KIAA2012: variants seen among roughly 807,000 people sequenced by gnomAD.
KIAA2012 encodes uncharacterized protein KIAA2012.
A neutral mutation model predicts 150.6 loss-of-function variants in KIAA2012; 125 were observed. The observed-to-expected ratio is 0.83, with a 90% CI of 0.72 to 0.96. The LOEUF (loss-of-function observed/expected upper bound fraction) is 0.96. Ranked by LOEUF, KIAA2012 falls within the 40% of genes least tolerant of loss-of-function variation. The pLI, the probability that KIAA2012 is intolerant of heterozygous loss-of-function variation, is 0.00. For synonymous variants in KIAA2012, 462 were observed against 504.7 expected (o/e 0.92, Z 1.13); for missense variants, 1,219 against 1,354.9 (o/e 0.90, Z 1.57).
intron 15 of KIAA2012, among the ~76,000 whole-genome samples, chr2:202,173,275 A>G (rs1434157951): frequency 6.6e-6 from 1 of 152,170 alleles, no homozygotes; most frequent in African/African-American, 2.4e-5. Flanking sequence ...CAACATAAGA[A>G]AGGAAAATTA....
chr2:202,109,921 G>C, intron 10 of KIAA2012, 132 bp downstream of exon 10: 7 of 771,638 alleles, frequency 9.1e-6, no homozygotes, highest in Non-Finnish European at 1.2e-5. Context: ...CACTGTTTCT[G>C]ATGATGTCAG....
intron 2 of KIAA2012, among the ~76,000 whole-genome samples, chr2:202,089,028 C>T (rs541974399): frequency 6.6e-6 from 1 of 152,318 alleles, no homozygotes; most frequent in South Asian, 2.1e-4. Context: ...TGTCTCCTTC[C>T]CACTCTTTGG....
chr2:202,080,421 C>T (rs1022912643), intron 2 of KIAA2012, among the ~76,000 whole-genome samples: 1 of 152,054 alleles, frequency 6.6e-6, no homozygotes, highest in Non-Finnish European at 1.5e-5. Flanking sequence ...GGGCCGGGCA[C>T]GATGGCACAC....
In KIAA2012 at chr2:202,147,416, C is replaced by T. The variant is rs541807140; in HGVS notation, c.1909-7257C>T. 6.6e-5 allele frequency among the ~76,000 whole-genome samples: 10 copies of T among 152,272 alleles called. 1 individual carries two copies. Among genetic ancestry groups the T allele is most frequent in the African/African-American group, 7.2e-5 (3 of 41,564 alleles). On this transcript the variant is annotated intron_variant, in intron 13 of 23. Transcript: ENST00000498697. ...GGAGCACTGTGTCAGCAGGGCACCA[C>T]GGCCCACAGCACAGGGCTGCAGAGG...
Position 202,109,758 on chromosome 2 carries a change from A to C in KIAA2012, c.1620A>C (p.Arg540Ser). 1 of 1,549,794 alleles carries C rather than the reference A, an allele frequency of 6.5e-7. No homozygotes were observed. Among genetic ancestry groups the C allele is most frequent in the African/African-American group, 1.4e-5 (1 of 73,142 alleles). Residue 540 changes from arginine to serine, a missense_variant, in exon 10 of 24, where the codon AGA becomes AGC. Coordinates refer to ENST00000498697, the MANE Select transcript of KIAA2012 (RefSeq NM_001277372.4). ...GCCCCCCAAGTCTCCCGAACATGAG[A>C]GTGCCCAGGAGGGCACTGCCAGCAG... Reference protein sequence around the residue: ...HNSPPSLPNMRVPRRALPAAQ... With the variant: ...HNSPPSLPNMSVPRRALPAAQ...
chr2:202,084,184 G>A (rs914457231), intron 2 of KIAA2012, among the ~76,000 whole-genome samples: 2 of 152,132 alleles, frequency 1.3e-5, no homozygotes, highest in Non-Finnish European at 2.9e-5. Context: ...GCACACAAAC[G>A]CTGGGCCACC....
intron 2 of KIAA2012, among the ~76,000 whole-genome samples, chr2:202,087,676 C>A (rs1245733006): frequency 6.6e-6 from 1 of 152,090 alleles, no homozygotes; most frequent in African/African-American, 2.4e-5. Flanking sequence ...TTCCACCATC[C>A]TTTGAATGTT....
Position 202,073,470 on chromosome 2 carries a change from G to C in KIAA2012, c.-158G>C. 1 of 617,052 alleles carries C rather than the reference G, an allele frequency of 1.6e-6. No individual in the cohort carries two copies. The highest frequency in any genetic ancestry group is 2.8e-6 in the Non-Finnish European group (1 of 351,574). 38.2% of individuals were successfully genotyped at this position (617,052 alleles called of 1,614,324 possible). On this transcript the variant is annotated 5_prime_UTR_variant, in exon 1 of 24. Transcript: ENST00000498697. ...AAACTGTGTGGCTGGTTGTTACTAA[G>C]AAGCTGCTGCGAGAGGGAAAAATGT...
In KIAA2012 at chr2:202,109,747, C is replaced by T. The variant is rs1321998239; in HGVS notation, c.1609C>T (p.Pro537Ser). 1.9e-6 allele frequency: 3 copies of T among 1,550,162 alleles called. No homozygotes were observed. The highest frequency in any genetic ancestry group is 2.4e-5 in the East Asian group (1 of 40,894). The change falls in exon 10 of 24, where the codon CCG becomes TCG. Residue 537 changes from proline (P) to serine (S), a missense_variant. By Grantham distance (74) the Pro-to-Ser change is moderately conservative (BLOSUM62 -1). Coordinates refer to ENST00000498697, the MANE Select transcript of KIAA2012 (RefSeq NM_001277372.4). ...TSDHNSPPSLPNMRVPRRALP... is the reference protein window; with the variant it reads ...TSDHNSPPSLSNMRVPRRALP... ...AGACCACAACAGCCCCCCAAGTCTC[C>T]CGAACATGAGAGTGCCCAGGAGGGC... is the stretch of plus-strand genomic sequence containing the variant.
intron 15 of KIAA2012, among the ~76,000 whole-genome samples, chr2:202,174,811 T>TTA (rs1366651178): frequency 7.2e-5 from 11 of 152,250 alleles, no homozygotes; most frequent in African/African-American, 2.4e-4. Flanking sequence ...TTTATTATTA[T>TTA]TATACTTTAA....
chr2:202,145,753 C>G (rs1280261916), intron 13 of KIAA2012, among the ~76,000 whole-genome samples: 1 of 138,940 alleles, frequency 7.2e-6, no homozygotes, highest in Non-Finnish European at 1.5e-5. Context: ...GGTACAGTCT[C>G]GGCCCACTGC....
In KIAA2012 at chr2:202,141,117, T is replaced by A. The variant is rs569758981; in HGVS notation, c.1908+2609T>A. Among the ~76,000 whole-genome samples the A allele has an allele frequency of 4.6e-4, 70 of 152,310 alleles. 2 individuals carry two copies. Among genetic ancestry groups the A allele is most frequent in the Middle Eastern group, 6.8e-3 (2 of 294 alleles). ...GCTGGGGTGACGGCGTTCCCTGGGC[T>A]GGAGGCTTCTGCAGAGGCCCTACCG... is the stretch of plus-strand genomic sequence containing the variant. On this transcript the variant is annotated intron_variant, in intron 13 of 23. Coordinates refer to ENST00000498697, the MANE Select transcript of KIAA2012 (RefSeq NM_001277372.4).
chr2:202,151,275 T>C (rs1302338728), intron 13 of KIAA2012, among the ~76,000 whole-genome samples: 4 of 152,066 alleles, frequency 2.6e-5, no homozygotes, highest in Non-Finnish European at 4.4e-5. Flanking sequence ...CACACACCTG[T>C]AGTCCCAACT....
At chr2:202,109,853 G>T (rs188806472) in intron 10 of KIAA2012, 64 bp downstream of exon 10, 1 of 1,381,376 alleles carries the variant, frequency 7.2e-7, no homozygotes, top group Non-Finnish European at 9.7e-7. Context: ...TGCCAGGGCC[G>T]CATGGCTGCT....
intron 15 of KIAA2012, among the ~76,000 whole-genome samples, chr2:202,175,381 A>C (rs545653797): frequency 6.5e-4 from 99 of 152,366 alleles, no homozygotes; most frequent in African/African-American, 2.3e-3. Context: ...AAATTCATAT[A>C]GAAAAGCCAG....
chr2:202,106,712 A>T lies in KIAA2012; in HGVS notation c.1474+802A>T, dbSNP rs200986382. On this transcript the variant is annotated intron_variant, in intron 9 of 23. Transcript: ENST00000498697. ...AAAATAAAAAAAAAAAATTTTTTTTAAAAAGTCCATAATATTGATAAAAGT... is the reference window on the plus strand; with the variant it reads ...AAAATAAAAAAAAAAAATTTTTTTTTAAAAGTCCATAATATTGATAAAAGT... Among the ~76,000 whole-genome samples, 235 of 141,730 alleles carry T rather than the reference A, an allele frequency of 1.7e-3. 1 individual carries two copies. The highest frequency in any genetic ancestry group is 9.9e-3 in the East Asian group (49 of 4,936). 93.0% of individuals were successfully genotyped at this position (141,730 alleles called of 152,430 possible).
chr2:202,172,713 G>A lies in KIAA2012; in HGVS notation c.2119+7357G>A, dbSNP rs528933741. Among the ~76,000 whole-genome samples the A allele has an allele frequency of 3.0e-4, 45 of 152,340 alleles. 1 individual carries two copies. In the South Asian group the frequency reaches 9.1e-3, roughly 31 times the overall value. On this transcript the variant is annotated intron_variant, in intron 15 of 23. Transcript: ENST00000498697. ...TTGCCTGACCTGTGCAAAGAAGTGA[G>A]GAGTAGCCAGTGCTGGAAAAGTTCC...
intron 16 of KIAA2012, 41 bp from the exon 17 acceptor site, chr2:202,186,892 T>G: frequency 6.5e-7 from 1 of 1,533,466 alleles, no homozygotes. Context: ...TCCACCAGAG[T>G]TTTTCTTTAG....
intron 15 of KIAA2012, among the ~76,000 whole-genome samples, chr2:202,176,065 A>G (rs1460104435): frequency 2.6e-5 from 4 of 152,244 alleles, no homozygotes; most frequent in African/African-American, 9.6e-5. Flanking sequence ...TATCAGGTGT[A>G]TTCAGGAGCT....
Sources: allele counts gnomAD v4.1 joint callset (sites outside exome capture counted in the v4.1 genomes callset), GRCh38; gene constraint gnomAD v4.1.1; transcripts MANE v1.5; gene names NCBI Gene and HGNC (gene_info 2026-07-23, HGNC 2026-07-21).